Variants in ZMYM2 observed in about 807,000 individuals in gnomAD.
The protein encoded by ZMYM2 is zinc finger MYM-type protein 2.
Under a neutral mutation model 162.8 loss-of-function variants are expected in ZMYM2, and 56 were observed. That is an observed-to-expected ratio of 0.34 (90% CI 0.28 to 0.43). ZMYM2 has a LOEUF of 0.43. Among genes scored for constraint, ZMYM2 ranks in the 20% least tolerant of loss-of-function variants. The probability of loss-of-function intolerance (pLI) is 1.00; values close to 1 mark genes in which losing one functional copy is unlikely to be tolerated. For synonymous variants in ZMYM2, 510 were observed against 541.6 expected, an observed-to-expected ratio of 0.94 and a Z score of 0.81; for missense variants, 1,275 against 1,621.8, an observed-to-expected ratio of 0.79 and a Z score of 3.67.
chr13:19,998,247 T>C (rs1950159245), intron 3 of ZMYM2, among the ~76,000 whole-genome samples: 1 of 152,216 alleles, frequency 6.6e-6, no homozygotes, highest in African/African-American at 2.4e-5. Context: ...ATTGAAGGTT[T>C]AGACAAAATG....
the ZMYM2 span, among the ~76,000 whole-genome samples, chr13:19,921,184 G>T: frequency 1.2e-3 from 190 of 152,074 alleles, no homozygotes; most frequent in African/African-American, 4.5e-3. Context: ...CTATTGCCCA[G>T]GCTGGAGTGC....
intron 21 of ZMYM2, among the ~76,000 whole-genome samples, chr13:20,074,093 C>T (rs1957295146): frequency 6.6e-6 from 1 of 152,078 alleles, no homozygotes; most frequent in African/African-American, 2.4e-5. Flanking sequence ...ATAGGCACCT[C>T]ATATAAGTGG....
At chr13:19,981,610 A>G (rs960491356) in intron 2 of ZMYM2, among the ~76,000 whole-genome samples, 2 of 152,206 alleles carry the variant, frequency 1.3e-5, no homozygotes, top group Admixed American at 6.5e-5. Context: ...TTCTGCACTC[A>G]TATTTTTAAC....
chr13:19,903,029 G>A, the ZMYM2 span, among the ~76,000 whole-genome samples: 9 of 152,032 alleles, frequency 5.9e-5, no homozygotes, highest in East Asian at 1.4e-3. Flanking sequence ...GGTGGTGCAC[G>A]CCTGTAATTC....
intron 2 of ZMYM2, among the ~76,000 whole-genome samples, chr13:19,964,825 T>A (rs574711020): frequency 1.6e-4 from 24 of 152,210 alleles, no homozygotes; most frequent in African/African-American, 5.8e-4. Context: ...CATAAAAATG[T>A]TTTTTTATAT....
rs551506325 is a variant in ZMYM2 at position 19,965,334 on chromosome 13, ACTTCT to A, written c.-11+5314_-11+5318del. ...TTTTGTTACTTAACATTAAAAAATG[ACTTCT>A]CTTCTAATACTGGAACAGTTTTATA... On this transcript the variant is annotated intron_variant, in intron 2 of 24. Transcript: ENST00000610343. 2.6e-5 allele frequency: 26 copies of A among 1,007,382 alleles called. No individual in the cohort carries two copies. The Middle Eastern group carries it at 1.2e-3, about 47-fold the overall frequency. The allele number at this position is 1,007,382 out of a possible 1,614,324, so 62.4% of individuals were successfully genotyped here. A position where few individuals can be genotyped will look rare whatever the true frequency, so the allele number is the denominator to read the frequency against.
At chr13:20,003,559 A>T (rs370622827) in intron 4 of ZMYM2, among the ~76,000 whole-genome samples, 4 of 151,834 alleles carry the variant, frequency 2.6e-5, no homozygotes, top group African/African-American at 7.2e-5. Flanking sequence ...GTATTTCAAG[A>T]CTCAGGTACC....
At chr13:19,966,184 G>A (rs1190915125) in intron 2 of ZMYM2, among the ~76,000 whole-genome samples, 2 of 151,344 alleles carry the variant, frequency 1.3e-5, no homozygotes, top group African/African-American at 4.9e-5. Flanking sequence ...GCCCAGGCTG[G>A]AGTGCAATGG....
intron 14 of ZMYM2, among the ~76,000 whole-genome samples, chr13:20,053,437 G>A: frequency 6.6e-6 from 1 of 152,162 alleles, no homozygotes; most frequent in South Asian, 2.1e-4. Flanking sequence ...GATCACCTGA[G>A]GTCAGAAGTT....
At chr13:19,894,349 T>G in the ZMYM2 span, among the ~76,000 whole-genome samples, 101 of 110,150 alleles carry the variant, frequency 9.2e-4, no homozygotes, top group Non-Finnish European at 1.4e-3. Flanking sequence ...GGATATCTTG[T>G]TTTTTTTTTT....
the ZMYM2 span, among the ~76,000 whole-genome samples, chr13:19,888,461 A>AT: frequency 6.6e-6 from 1 of 151,552 alleles, no homozygotes; most frequent in South Asian, 2.1e-4. Context: ...AGTGCTGGCA[A>AT]TACAGGCATG....
chr13:20,083,625 TAGG>T (rs1958049886), intron 23 of ZMYM2, 28 bp from the exon 24 acceptor site: 3 of 1,437,950 alleles, frequency 2.1e-6, no homozygotes, highest in Non-Finnish European at 2.9e-6. Context: ...AAGATTAGTT[TAGG>T]AGGTTTATTT....
At chr13:20,013,876 T>C (rs1381608717) in intron 6 of ZMYM2, among the ~76,000 whole-genome samples, 1 of 152,158 alleles carries the variant, frequency 6.6e-6, no homozygotes, top group African/African-American at 2.4e-5. Flanking sequence ...GGGATACTGG[T>C]CTCTGATTTT....
intron 3 of ZMYM2, among the ~76,000 whole-genome samples, chr13:20,001,487 G>C (rs988008992): frequency 1.9e-4 from 29 of 152,038 alleles, no homozygotes; most frequent in Non-Finnish European, 8.8e-5. Context: ...TGCTTTTTAT[G>C]GTTGAGCAAA....
intron 6 of ZMYM2, among the ~76,000 whole-genome samples, chr13:20,011,877 T>G (rs548006692): frequency 6.6e-6 from 1 of 151,938 alleles, no homozygotes; most frequent in South Asian, 2.1e-4. Context: ...GCCTCCCGAG[T>G]AGCTGGGATT....
the ZMYM2 span, among the ~76,000 whole-genome samples, chr13:19,897,433 C>T: frequency 2.6e-5 from 4 of 151,908 alleles, no homozygotes; most frequent in Admixed American, 1.3e-4. Context: ...AGAGGATAAA[C>T]GTGAAAGCAT....
intron 12 of ZMYM2, among the ~76,000 whole-genome samples, chr13:20,044,228 C>T (rs561357911): frequency 6.6e-6 from 1 of 152,316 alleles, no homozygotes; most frequent in African/African-American, 2.4e-5. Context: ...GCTGCCCCTA[C>T]AACTTCTTTA....
At chr13:20,043,887 T>G (rs2140455965) in intron 12 of ZMYM2, among the ~76,000 whole-genome samples, 1 of 151,964 alleles carries the variant, frequency 6.6e-6, no homozygotes, top group East Asian at 1.9e-4. Context: ...TGCGTGTCTG[T>G]GGGGGCCACC....
the ZMYM2 span, among the ~76,000 whole-genome samples, chr13:19,900,541 G>A: frequency 6.6e-6 from 1 of 152,096 alleles, no homozygotes; most frequent in Non-Finnish European, 1.5e-5. Flanking sequence ...ACCAATACTT[G>A]ATAAACTCTT....
Sources: allele counts gnomAD v4.1 joint callset (sites outside exome capture counted in the v4.1 genomes callset), GRCh38; gene constraint gnomAD v4.1.1; transcripts MANE v1.5; gene names NCBI Gene and HGNC (gene_info 2026-07-23, HGNC 2026-07-21).